The following CAMTA1 variants were observed in gnomAD, a reference collection of about 807,000 sequenced individuals.
CAMTA1 encodes the protein calmodulin binding transcription activator 1.
Under a neutral mutation model 170.9 loss-of-function variants are expected in CAMTA1, and 27 were observed. The ratio of observed to expected loss-of-function variants is 0.16; its 90% CI spans 0.12 to 0.22. The LOEUF (loss-of-function observed/expected upper bound fraction) is 0.22. Ranked by LOEUF, CAMTA1 falls within the 10% of genes least tolerant of loss-of-function variation. CAMTA1 has a pLI of 1.00. For synonymous variants in CAMTA1, 833 were observed against 891.5 expected, an observed-to-expected ratio of 0.93 and a Z score of 1.17; for missense variants, 1,619 against 2,217.2, an observed-to-expected ratio of 0.73 and a Z score of 5.42.
At chr1:6,996,337 T>C (rs1697246102) in intron 3 of CAMTA1, among the ~76,000 whole-genome samples, 2 of 152,230 alleles carry the variant, frequency 1.3e-5, no homozygotes, top group African/African-American at 4.8e-5. Context: ...ATATTGAGTT[T>C]TTGTTTTAGC....
chr1:7,477,156 C>G (rs2093433631), intron 6 of CAMTA1, among the ~76,000 whole-genome samples: 2 of 152,184 alleles, frequency 1.3e-5, no homozygotes, highest in Non-Finnish European at 2.9e-5. Flanking sequence ...GAAACTCACT[C>G]AGTCCAGAAG....
chr1:7,398,154 G>GCTCTCCCTCTCTCTCT (rs1466680758), intron 5 of CAMTA1, among the ~76,000 whole-genome samples: 1 of 26,264 alleles, frequency 3.8e-5, no homozygotes, highest in African/African-American at 1.1e-4. Flanking sequence ...TAATAATATT[G>GCTCTCCCTCTCTCTCT]CTCTCTCTCT....
chr1:6,879,614 T>TC (rs111471432), intron 3 of CAMTA1, among the ~76,000 whole-genome samples: 1,855 of 65,828 alleles, frequency 0.028, 22 homozygotes, highest in South Asian at 0.062. Context: ...TCCTTTTTTC[T>TC]TTTTTTTTTT....
chr1:7,003,619 A>ATG (rs3059749), intron 3 of CAMTA1, among the ~76,000 whole-genome samples: 50,447 of 152,060 alleles, frequency 0.33, 8,418 homozygotes, highest in Admixed American at 0.35. Context: ...GCAAAACTAA[A>ATG]AAAGATAATC....
intron 4 of CAMTA1, among the ~76,000 whole-genome samples, chr1:7,164,231 A>T (rs1647891645): frequency 1.3e-5 from 2 of 152,220 alleles, no homozygotes; most frequent in South Asian, 4.1e-4. Flanking sequence ...TGCAATATTG[A>T]CTAAGAGCCT....
chr1:6,949,362 C>G lies in CAMTA1; in HGVS notation c.234+124152C>G, dbSNP rs573065933. On this transcript the variant is annotated intron_variant, in intron 3 of 22. Transcript: ENST00000303635. ...TCATGGGAGATCCCGCTTTGAACGC[C>G]CTCGAGGGCAGACATATGCAGGGGG... Among the ~76,000 whole-genome samples the G allele has an allele frequency of 6.6e-5, 10 of 152,328 alleles. No homozygotes were observed. In the South Asian group the frequency reaches 2.1e-3, roughly 32 times the overall value.
At position 7,634,234 on chromosome 1, in the gene CAMTA1, G is replaced by A. The variant is rs2148883899; in HGVS notation, c.511-6166G>A. Among the ~76,000 whole-genome samples, 1 of 152,266 alleles carries A rather than the reference G, an allele frequency of 6.6e-6. No homozygotes were observed. Among genetic ancestry groups the A allele is most frequent in the Admixed American group, 6.5e-5 (1 of 15,290 alleles). On this transcript the variant is annotated intron_variant, in intron 6 of 22. Coordinates refer to ENST00000303635, the MANE Select transcript of CAMTA1 (RefSeq NM_015215.4). This position sits in a 1 kb window ranked among gnomAD's most constrained non-coding sequence, Gnocchi z 6.2. Reference sequence around the variant, plus strand: ...GGAGGATCAGACTTGGTCATTGCAGGCAGGGGGTATATGGGAGGATTAGGC... The same window carrying A: ...GGAGGATCAGACTTGGTCATTGCAGACAGGGGGTATATGGGAGGATTAGGC...
At chr1:7,690,120 G>A (rs1041724423) in intron 11 of CAMTA1, among the ~76,000 whole-genome samples, 8 of 152,084 alleles carry the variant, frequency 5.3e-5, no homozygotes, top group Non-Finnish European at 8.8e-5. Flanking sequence ...TCAAGATTGC[G>A]CCACTGCACT....
intron 6 of CAMTA1, among the ~76,000 whole-genome samples, chr1:7,527,270 G>A (rs1019683203): frequency 6.6e-6 from 1 of 152,212 alleles, no homozygotes; most frequent in African/African-American, 2.4e-5. Context: ...GCCACTGAGT[G>A]ACAGATGAGG....
chr1:7,328,153 C>T (rs1281808717), intron 5 of CAMTA1, among the ~76,000 whole-genome samples: 2 of 152,114 alleles, frequency 1.3e-5, no homozygotes, highest in African/African-American at 4.8e-5. Flanking sequence ...CTGGGATTCA[C>T]TGGGCTTCCT....
rs138900295 is a variant in CAMTA1, at chr1:7,752,580, G to A, written c.4958+47G>A. ...CATTCTGCTCAGGGAGAATGATGAA[G>A]CAACCCTGACCTTCTTAACCCTCAC... On this transcript the variant is annotated intron_variant, in intron 21 of 22. Transcript: ENST00000303635. The A allele has an allele frequency of 1.5e-3, 2,237 of 1,457,414 alleles. 22 individuals carry two copies. In the Middle Eastern group the frequency reaches 0.038, roughly 25 times the overall value. The allele number at this position is 1,457,414 out of a possible 1,614,324, so 90.3% of individuals were successfully genotyped here.
chr1:7,400,852 A>G (rs2089845775), intron 5 of CAMTA1, among the ~76,000 whole-genome samples: 1 of 152,178 alleles, frequency 6.6e-6, no homozygotes, highest in African/African-American at 2.4e-5. Context: ...GGGGCACCAG[A>G]CTAGTTTGCA....
intron 6 of CAMTA1, among the ~76,000 whole-genome samples, chr1:7,610,881 A>G (rs767767723): frequency 6.6e-5 from 10 of 152,228 alleles, no homozygotes; most frequent in Non-Finnish European, 1.5e-4. Context: ...TCAAGAAAGC[A>G]GCATGAGGGG....
rs72867124 is a variant in CAMTA1 at position 7,580,277 on chromosome 1, A to G, written c.511-60123A>G. ...GGCTGAGGCTCCTGGGGGGTTGTCC[A>G]CATCTGGACCGTGGGAGCTGTTGGG... On this transcript the variant is annotated intron_variant, in intron 6 of 22. Coordinates refer to ENST00000303635, the MANE Select transcript of CAMTA1 (RefSeq NM_015215.4). This position sits in a 1 kb window ranked among gnomAD's most constrained non-coding sequence, Gnocchi z 4.3. Among the ~76,000 whole-genome samples the G allele has an allele frequency of 0.017, 2,629 of 152,248 alleles. 78 individuals are homozygous for G. The highest frequency in any genetic ancestry group is 0.06 in the African/African-American group (2,494 of 41,538).
chr1:6,948,166 G>A (rs11809540), intron 3 of CAMTA1, among the ~76,000 whole-genome samples: 1,823 of 152,344 alleles, frequency 0.012, 32 homozygotes, highest in African/African-American at 0.041. Context: ...GGGTAAGTAA[G>A]TTGCCCAAGG....
rs1700293601 is a variant in CAMTA1 at position 7,014,753 on chromosome 1, G to GC, written c.235-76551_235-76550insC. Among the ~76,000 whole-genome samples the GC allele has an allele frequency of 3.3e-5, 5 of 152,308 alleles. No homozygotes were observed. Among genetic ancestry groups the GC allele is most frequent in the African/African-American group, 1.2e-4 (5 of 41,576 alleles). On this transcript the variant is annotated intron_variant, in intron 3 of 22. Coordinates refer to ENST00000303635, the MANE Select transcript of CAMTA1 (RefSeq NM_015215.4). The surrounding 1 kb of genome is among the most constrained non-coding windows in gnomAD (Gnocchi z 4.2). ...GGACTCAGCCGAGGGGGCCAGTCTAGAGGTTACACATTCTGAGCTACCTTT... is the reference window on the plus strand; with the variant it reads ...GGACTCAGCCGAGGGGGCCAGTCTAGCAGGTTACACATTCTGAGCTACCTTT...
In CAMTA1 at chr1:7,463,535, G is replaced by A. The variant is rs530386061; in HGVS notation, c.439-4295G>A. 2.0e-5 allele frequency among the ~76,000 whole-genome samples: 3 copies of A among 151,620 alleles called. No individual in the cohort carries two copies. The highest frequency in any genetic ancestry group is 4.8e-5 in the African/African-American group (2 of 41,318). ...GACTGAGAAAGAGATTGAGAGACAG[G>A]GAGAGACAGAGAGAGAAAGAAGATG... On this transcript the variant is annotated intron_variant, in intron 5 of 22. Coordinates refer to ENST00000303635, the MANE Select transcript of CAMTA1 (RefSeq NM_015215.4). The surrounding 1 kb of genome is among the most constrained non-coding windows in gnomAD (Gnocchi z 4.7).
At chr1:7,276,303 A>ATATAATTTTTTTTTTTTTTTTTTTTTTTT in intron 5 of CAMTA1, among the ~76,000 whole-genome samples, 1 of 24,232 alleles carries the variant, frequency 4.1e-5, no homozygotes, top group African/African-American at 3.0e-4. Context: ...ATATATATAT[A>ATATAATTTTTTTTTTTTTTTTTTTTTTTT]TTTTTTTTTT....
chr1:6,830,326 G>A, intron 3 of CAMTA1, among the ~76,000 whole-genome samples: 1 of 148,804 alleles, frequency 6.7e-6, no homozygotes, highest in East Asian at 2.0e-4. Context: ...TTACAGGGGT[G>A]AGCCACCGCA....
Sources: gnomAD v4.1 joint callset for allele counts (sites outside exome capture counted in the v4.1 genomes callset) on GRCh38, gnomAD v4.1.1 for gene constraint, Gnocchi (gnomAD v3.1) non-coding constraint, MANE v1.5 for transcripts, NCBI Gene and HGNC (gene_info 2026-07-23, HGNC 2026-07-21) for gene names.